Variants in CLIP4 observed in about 807,000 individuals in gnomAD.
CLIP4 encodes CAP-Gly domain containing linker protein family member 4.
In CLIP4, 47 loss-of-function variants were observed where a neutral mutation model predicts 73.1. The observed-to-expected ratio is 0.64, with a 90% CI of 0.51 to 0.82. CLIP4 has a LOEUF of 0.82. Ranked by LOEUF, CLIP4 falls within the 40% of genes least tolerant of loss-of-function variation. The pLI is 0.00. For synonymous variants in CLIP4, 306 were observed against 295.4 expected, an observed-to-expected ratio of 1.04 and a Z score of -0.37; for missense variants, 874 against 852.9, an observed-to-expected ratio of 1.02 and a Z score of -0.31.
In CLIP4 at chr2:29,132,094, G is replaced by C; in HGVS notation, c.274-58G>C. 3 of 1,327,318 alleles carry C rather than the reference G, an allele frequency of 2.3e-6. No individual in the cohort carries two copies. The South Asian group carries it at 3.6e-5, about 16-fold the overall frequency. The allele number at this position is 1,327,318 out of a possible 1,614,324, so 82.2% of individuals were successfully genotyped here. A position where few individuals can be genotyped will look rare whatever the true frequency, so the allele number is the denominator to read the frequency against. On this transcript the variant is annotated intron_variant, in intron 3 of 15. Transcript: ENST00000320081. ...TAACTTGGTTCCTCAGCATTGGTTT[G>C]AAAGCAATAGGTACCTCAGTAGTTA... is the stretch of plus-strand genomic sequence containing the variant.
intron 1 of CLIP4, among the ~76,000 whole-genome samples, chr2:29,101,177 C>G (rs559289777): frequency 1.3e-5 from 2 of 151,988 alleles, no homozygotes; most frequent in African/African-American, 2.4e-5. Context: ...GTAATCCCAG[C>G]TACCTGGGAG....
Position 29,115,919 on chromosome 2 carries a change from C to T in CLIP4, c.-16+254C>T, listed in dbSNP as rs1214619253. Among the ~76,000 whole-genome samples the T allele has an allele frequency of 1.3e-5, 2 of 151,984 alleles. No individual in the cohort carries two copies. Among genetic ancestry groups the T allele is most frequent in the African/African-American group, 4.8e-5 (2 of 41,436 alleles). ...ACTCCTCGTGGCGGCCGCTGACGGA[C>T]GGCCCAACTTTAGGTTGAGGGGCGC... On this transcript the variant is annotated intron_variant, in intron 1 of 15. Coordinates refer to ENST00000320081, the MANE Select transcript of CLIP4 (RefSeq NM_024692.6). The surrounding 1 kb of genome is among the most constrained non-coding windows in gnomAD (Gnocchi z 5.1).
In CLIP4 at chr2:29,181,609, C is replaced by A; in HGVS notation, c.1834C>A (p.Pro612Thr). 6.2e-7 allele frequency: 1 copy of A among 1,612,888 alleles called. No individual in the cohort carries two copies. The highest frequency in any genetic ancestry group is 1.1e-5 in the South Asian group (1 of 91,010). The part of the protein sequence containing the change: ...AALRRSWSST[P>T]TAGGIEGSVK... Reference sequence around the variant, plus strand: ...TTTGCGTCGCAGTTGGAGCAGCACCCCCACCGCAGGTGGCATTGAAGGGAG... The same window carrying A: ...TTTGCGTCGCAGTTGGAGCAGCACCACCACCGCAGGTGGCATTGAAGGGAG... Residue 612 changes from proline (P) to threonine (T), a missense_variant, in exon 16 of 16, where the codon CCC becomes ACC. Pro to Thr is a conservative substitution (Grantham distance 38). Transcript: ENST00000320081.
chr2:29,128,708 G>C (rs1178385645), intron 2 of CLIP4, among the ~76,000 whole-genome samples: 1 of 152,058 alleles, frequency 6.6e-6, no homozygotes, highest in Non-Finnish European at 1.5e-5. Context: ...ATTTTAGCCA[G>C]CTTAATCACA....
intron 8 of CLIP4, 50 bp from the exon 9 acceptor site, chr2:29,152,635 A>G: frequency 1.3e-6 from 2 of 1,576,844 alleles, no homozygotes; most frequent in Non-Finnish European, 1.7e-6. Context: ...TTGTTCCTTT[A>G]TTTGAAATGT....
chr2:29,100,172 C>T (rs571581839), intron 1 of CLIP4, among the ~76,000 whole-genome samples: 67 of 152,004 alleles, frequency 4.4e-4, no homozygotes, highest in African/African-American at 1.4e-3. Context: ...TCAAGTGATC[C>T]GCCCACCGTG....
chr2:29,112,646 G>C (rs961245093), upstream of CLIP4, among the ~76,000 whole-genome samples: 2 of 152,168 alleles, frequency 1.3e-5, no homozygotes, highest in African/African-American at 4.8e-5. Flanking sequence ...GATTCTGTTG[G>C]GCTTTTTATG....
chr2:29,101,718 T>G (rs1668055933), intron 1 of CLIP4, among the ~76,000 whole-genome samples: 1 of 152,314 alleles, frequency 6.6e-6, no homozygotes, highest in East Asian at 1.9e-4. Flanking sequence ...TCCTTCATGC[T>G]GCTGTGAGGA....
intron 1 of CLIP4, among the ~76,000 whole-genome samples, chr2:29,100,627 T>C (rs1037249314): frequency 6.6e-6 from 1 of 151,660 alleles, no homozygotes; most frequent in Non-Finnish European, 1.5e-5. Flanking sequence ...TACAAAATAA[T>C]GCACAATTTG....
intron 14 of CLIP4, among the ~76,000 whole-genome samples, 180 bp from the exon 15 acceptor site, chr2:29,174,193 T>G (rs1295790740): frequency 6.6e-6 from 1 of 152,112 alleles, no homozygotes; most frequent in Non-Finnish European, 1.5e-5. Flanking sequence ...GTTCAAGCAG[T>G]CTTCCCACTA....
chr2:29,157,513 T>C, intron 11 of CLIP4, 166 bp downstream of exon 11: 1 of 999,278 alleles, frequency 1.0e-6, no homozygotes, highest in South Asian at 1.5e-5. Context: ...TAAGGTCTCT[T>C]TGTTTTGCCG....
intron 11 of CLIP4, among the ~76,000 whole-genome samples, chr2:29,159,240 AT>A (rs1667130863): frequency 1.3e-5 from 2 of 151,416 alleles, no homozygotes; most frequent in Non-Finnish European, 2.9e-5. Context: ...TGTGTTTTTG[AT>A]TTCTTCTTTT....
Position 29,143,835 on chromosome 2 carries a change from T to A in CLIP4, c.775T>A (p.Cys259Ser). The change falls in exon 7 of 16, where the codon TGT (cysteine) becomes AGT (serine). Residue 259 changes from cysteine to serine, a missense_variant. By Grantham distance (112) the Cys-to-Ser change is moderately radical. Transcript: ENST00000320081. ...QMLLDAVPLS[C>S]NISKAMLPNY... ...GCTTCTAGATGCGGTGCCTCTGTCA[T>A]GTAACATCTCAAAGGCCATGCTCCC... The A allele has an allele frequency of 6.2e-7, 1 of 1,614,166 alleles. No individual in the cohort carries two copies. The highest frequency in any genetic ancestry group is 1.1e-5 in the South Asian group (1 of 91,078).
intron 1 of CLIP4, among the ~76,000 whole-genome samples, chr2:29,107,368 T>TTTTTTTGTTTCTTTTTTTTTTG (rs1558504957): frequency 1.3e-5 from 1 of 76,582 alleles, no homozygotes; most frequent in African/African-American, 5.5e-5. Flanking sequence ...GTTTTTTTTT[T>TTTTTTTGTTTCTTTTTTTTTTG]TTTTTTTTTT....
chr2:29,160,291 C>G (rs1667201033), intron 11 of CLIP4, 42 bp from the exon 12 acceptor site: 1 of 1,613,376 alleles, frequency 6.2e-7, no homozygotes, highest in Non-Finnish European at 8.5e-7. Context: ...TTTTTCTCCT[C>G]TTTTCCTGCC....
At chr2:29,154,860 T>C (rs1666814898) in intron 9 of CLIP4, among the ~76,000 whole-genome samples, 1 of 152,106 alleles carries the variant, frequency 6.6e-6, no homozygotes, top group Non-Finnish European at 1.5e-5. Flanking sequence ...AGAACCACAG[T>C]GCACAGAGGG....
chr2:29,121,868 G>A (rs920377607), intron 2 of CLIP4, among the ~76,000 whole-genome samples: 2 of 152,170 alleles, frequency 1.3e-5, no homozygotes, highest in African/African-American at 2.4e-5. Flanking sequence ...AAAAAGCCAT[G>A]TACTTAGGCA....
At chr2:29,165,250 C>T (rs148608930) in intron 13 of CLIP4, among the ~76,000 whole-genome samples, 1 of 84,660 alleles carries the variant, frequency 1.2e-5, no homozygotes, top group Admixed American at 1.6e-4. Flanking sequence ...ATGGTTTGTT[C>T]TTTCTTTCTT....
chr2:29,133,605 G>C, intron 4 of CLIP4, 50 bp from the exon 5 acceptor site: 2 of 1,552,506 alleles, frequency 1.3e-6, no homozygotes, highest in Non-Finnish European at 1.7e-6. Context: ...GCCATCCATT[G>C]GAACTTAAAA....
Sources: gnomAD v4.1 joint callset for allele counts (sites outside exome capture counted in the v4.1 genomes callset) on GRCh38, gnomAD v4.1.1 for gene constraint, Gnocchi (gnomAD v3.1) non-coding constraint, MANE v1.5 for transcripts, NCBI Gene and HGNC (gene_info 2026-07-23, HGNC 2026-07-21) for gene names.